The following NCEH1 variants were observed in gnomAD, a reference collection of about 807,000 sequenced individuals.
NCEH1 encodes the protein 2-acetyl MAGE hydrolase.
Under a neutral mutation model 25.4 loss-of-function variants are expected in NCEH1, and 9 were observed. That is an observed-to-expected ratio of 0.35 (90% CI 0.21 to 0.62). The LOEUF (loss-of-function observed/expected upper bound fraction) is 0.62, where lower values mean the gene tolerates loss of function less well. NCEH1 is among the 20% of genes least tolerant of loss of function. The pLI, the probability that NCEH1 is intolerant of heterozygous loss-of-function variation, is 0.72. For synonymous variants in NCEH1, 200 were observed against 199.8 expected, an observed-to-expected ratio of 1.00 and a Z score of -0.01; for missense variants, 412 against 501.1, an observed-to-expected ratio of 0.82 and a Z score of 1.70.
At chr3:172,667,020 A>C (rs772964660) in intron 1 of NCEH1, among the ~76,000 whole-genome samples, 1 of 152,170 alleles carries the variant, frequency 6.6e-6, no homozygotes, top group Non-Finnish European at 1.5e-5. Flanking sequence ...CGCCTAGTGG[A>C]AATAGAAATC....
At chr3:172,647,854 C>A (rs1262061744) in intron 2 of NCEH1, 32 bp downstream of exon 2, 1 of 1,612,942 alleles carries the variant, frequency 6.2e-7, no homozygotes, top group Non-Finnish European at 8.5e-7. Flanking sequence ...CCAACCACAA[C>A]AACAAACCAT....
At chr3:172,645,889 T>C (rs1717097091) in intron 2 of NCEH1, among the ~76,000 whole-genome samples, 197 bp from the exon 3 acceptor site, 1 of 152,250 alleles carries the variant, frequency 6.6e-6, no homozygotes, top group Non-Finnish European at 1.5e-5. Flanking sequence ...ATGCAACTAC[T>C]ATATAACAGG....
intron 3 of NCEH1, among the ~76,000 whole-genome samples, chr3:172,640,509 A>T (rs1012239572): frequency 1.5e-4 from 23 of 151,636 alleles, no homozygotes; most frequent in African/African-American, 3.4e-4. Context: ...TATTTATTTT[A>T]TTTATTTATT....
chr3:172,662,744 T>C (rs1278630209), intron 1 of NCEH1, among the ~76,000 whole-genome samples: 1 of 152,234 alleles, frequency 6.6e-6, no homozygotes, highest in South Asian at 2.1e-4. Flanking sequence ...TTTTCTAGTT[T>C]ATTTGCGTAG....
chr3:172,666,269 A>G (rs1486657816), intron 1 of NCEH1, among the ~76,000 whole-genome samples: 3 of 152,192 alleles, frequency 2.0e-5, no homozygotes, highest in African/African-American at 7.2e-5. Context: ...CTGCCTCCGG[A>G]TAACACCATG....
intron 1 of NCEH1, among the ~76,000 whole-genome samples, chr3:172,703,499 G>A (rs952495104): frequency 3.7e-5 from 5 of 135,302 alleles, no homozygotes; most frequent in Non-Finnish European, 6.1e-5. Flanking sequence ...TTGCATTCCC[G>A]CCTGAGTGAC....
At chr3:172,658,175 T>C (rs1717790574) in intron 1 of NCEH1, among the ~76,000 whole-genome samples, 1 of 152,220 alleles carries the variant, frequency 6.6e-6, no homozygotes, top group African/African-American at 2.4e-5. Flanking sequence ...CTGGTGGTCC[T>C]CACTGCTACA....
chr3:172,705,093 T>G (rs1045467072), intron 1 of NCEH1, among the ~76,000 whole-genome samples: 4 of 152,254 alleles, frequency 2.6e-5, no homozygotes, highest in South Asian at 2.1e-4. Flanking sequence ...TATATTGATA[T>G]GCATATGCAC....
chr3:172,682,861 T>C (rs1712465571), intron 1 of NCEH1, among the ~76,000 whole-genome samples: 1 of 152,218 alleles, frequency 6.6e-6, no homozygotes, highest in South Asian at 2.1e-4. Context: ...TTGATCCTTG[T>C]GAATGCTTTG....
intron 1 of NCEH1, among the ~76,000 whole-genome samples, chr3:172,661,348 C>G (rs1717962690): frequency 6.6e-6 from 1 of 152,180 alleles, no homozygotes; most frequent in South Asian, 2.1e-4. Context: ...CCTTTTGGTA[C>G]CAGTACCATG....
At chr3:172,654,091 T>C (rs1383964598) in intron 1 of NCEH1, among the ~76,000 whole-genome samples, 2 of 151,762 alleles carry the variant, frequency 1.3e-5, no homozygotes, top group Non-Finnish European at 2.9e-5. Flanking sequence ...TATGGGTAGG[T>C]AAGGTATACA....
chr3:172,658,840 CTTTTT>C lies in NCEH1; in HGVS notation c.139-10731_139-10727del, dbSNP rs33955977. 1.6e-4 allele frequency among the ~76,000 whole-genome samples: 12 copies of C among 74,216 alleles called. No individual in the cohort carries two copies. In the East Asian group the frequency reaches 2.8e-3, roughly 17 times the overall value. The allele number at this position is 74,216 out of a possible 152,430, so 48.7% of individuals were successfully genotyped here. A position where few individuals can be genotyped will look rare whatever the true frequency, so the allele number is the denominator to read the frequency against. On this transcript the variant is annotated intron_variant, in intron 1 of 4. Coordinates refer to ENST00000475381, the MANE Select transcript of NCEH1 (RefSeq NM_020792.6). Reference sequence around the variant, plus strand: ...AGGTTGTCTCTTTCCAATTCCAAAACTTTTTTTTTTTTTTTTTTTTTTTTTTTTTA... The same window carrying C: ...AGGTTGTCTCTTTCCAATTCCAAAACTTTTTTTTTTTTTTTTTTTTTTTTA...
rs112953855 is a variant in NCEH1, at chr3:172,655,404, T to C, written c.139-7290A>G. Among the ~76,000 whole-genome samples, 368 of 152,314 alleles carry C rather than the reference T, an allele frequency of 2.4e-3. 5 individuals carry two copies. The highest frequency in any genetic ancestry group is 8.0e-3 in the African/African-American group (333 of 41,568). ...TCTGTACCCAGGTAGTTGGTTCATG[T>C]TGAAACTTGACCAGATGCTAAGTTA... On this transcript the variant is annotated intron_variant, in intron 1 of 4. Transcript: ENST00000475381.
intron 1 of NCEH1, among the ~76,000 whole-genome samples, chr3:172,657,222 C>T (rs1355475207): frequency 2.0e-5 from 3 of 152,136 alleles, no homozygotes; most frequent in Non-Finnish European, 4.4e-5. Flanking sequence ...AAGCCTATGA[C>T]CTGTATTCAT....
At chr3:172,655,110 C>T (rs1717628953) in intron 1 of NCEH1, among the ~76,000 whole-genome samples, 1 of 152,104 alleles carries the variant, frequency 6.6e-6, no homozygotes, top group African/African-American at 2.4e-5. Context: ...ACTCAAGTAA[C>T]CTGAAAGTAA....
chr3:172,666,236 C>G (rs941542231), intron 1 of NCEH1, among the ~76,000 whole-genome samples: 1 of 152,180 alleles, frequency 6.6e-6, no homozygotes, highest in African/African-American at 2.4e-5. Flanking sequence ...TCTTCCTGTC[C>G]CGGTGTGTGC....
chr3:172,699,436 T>C (rs1713563253), intron 1 of NCEH1, among the ~76,000 whole-genome samples: 1 of 152,084 alleles, frequency 6.6e-6, no homozygotes, highest in Admixed American at 6.5e-5. Context: ...GGATTAACAG[T>C]CAGATTGGAG....
intron 1 of NCEH1, among the ~76,000 whole-genome samples, chr3:172,685,626 G>A (rs1712653091): frequency 6.6e-6 from 1 of 152,106 alleles, no homozygotes; most frequent in South Asian, 2.1e-4. Context: ...AATAGTTCCA[G>A]TTTATCTCAA....
chr3:172,685,871 C>A (rs925746491), intron 1 of NCEH1, among the ~76,000 whole-genome samples: 1 of 152,166 alleles, frequency 6.6e-6, no homozygotes, highest in South Asian at 2.1e-4. Flanking sequence ...TTTTTACCAA[C>A]TTAGAATTTT....
Sources: gnomAD v4.1 joint callset for allele counts (sites outside exome capture counted in the v4.1 genomes callset) on GRCh38, gnomAD v4.1.1 for gene constraint, MANE v1.5 for transcripts, NCBI Gene and HGNC (gene_info 2026-07-23, HGNC 2026-07-21) for gene names.